The following RIMKLA variants were observed in gnomAD, a reference collection of about 807,000 sequenced individuals.
RIMKLA encodes N-acetylaspartylglutamate synthase A.
RIMKLA carries 14 observed loss-of-function variants against 32.7 expected under a neutral mutation model. The ratio of observed to expected loss-of-function variants is 0.43; its 90% CI spans 0.28 to 0.67. The LOEUF (loss-of-function observed/expected upper bound fraction) is 0.67, where lower values mean the gene tolerates loss of function less well. RIMKLA is among the 30% of genes least tolerant of loss of function. The pLI, the probability that RIMKLA is intolerant of heterozygous loss-of-function variation, is 0.18. For synonymous variants in RIMKLA, 176 were observed against 204.1 expected (o/e 0.86, Z 1.18); for missense variants, 410 against 519.0 (o/e 0.79, Z 2.04).
intron 1 of RIMKLA, 66 bp from the exon 2 acceptor site, chr1:42,399,338 G>A: frequency 8.3e-7 from 1 of 1,210,830 alleles, no homozygotes; most frequent in South Asian, 1.4e-5. Context: ...GAGTCTGTTG[G>A]AACCATTTCT....
At chr1:42,387,477 T>G (rs1458714096) in intron 1 of RIMKLA, among the ~76,000 whole-genome samples, 1 of 152,200 alleles carries the variant, frequency 6.6e-6, no homozygotes, top group Non-Finnish European at 1.5e-5. Context: ...CTAACAGGAA[T>G]ACTGATTCTG....
intron 2 of RIMKLA, among the ~76,000 whole-genome samples, chr1:42,403,323 CAAGG>C (rs906935832): frequency 6.6e-6 from 1 of 152,146 alleles, no homozygotes; most frequent in African/African-American, 2.4e-5. Flanking sequence ...CATCTGACAG[CAAGG>C]AATGTGACAA....
chr1:42,384,605 A>G (rs1438788535), intron 1 of RIMKLA, among the ~76,000 whole-genome samples: 1 of 115,516 alleles, frequency 8.7e-6, no homozygotes, highest in Non-Finnish European at 1.7e-5. Context: ...GTATATATGT[A>G]TGTATATATA....
intron 4 of RIMKLA, chr1:42,412,592 T>A (rs1643207793): frequency 2.0e-6 from 1 of 509,460 alleles, no homozygotes; most frequent in Non-Finnish European, 3.9e-6. Context: ...CCCACTTGTT[T>A]AACCTGCCTG....
intron 2 of RIMKLA, among the ~76,000 whole-genome samples, chr1:42,403,028 C>G (rs573613198): frequency 2.0e-4 from 30 of 152,306 alleles, no homozygotes; most frequent in African/African-American, 6.5e-4. Context: ...TAGTGCCCCA[C>G]TGTACCTACA....
At chr1:42,385,848 T>C (rs868512446) in intron 1 of RIMKLA, among the ~76,000 whole-genome samples, 3,224 of 16,666 alleles carry the variant, frequency 0.19, 559 homozygotes, top group East Asian at 0.35. Flanking sequence ...TTCTTTCTCT[T>C]TCTTTCTTTC....
At chr1:42,381,736 G>T (rs1198157856) in intron 1 of RIMKLA, among the ~76,000 whole-genome samples, 1 of 152,164 alleles carries the variant, frequency 6.6e-6, no homozygotes, top group Admixed American at 6.5e-5. Context: ...GACAGTTCTG[G>T]CCTCACTGAT....
rs1039869366 is a variant in RIMKLA at position 42,423,783 on chromosome 1, T to C, written c.*8809T>C. 6.6e-6 allele frequency among the ~76,000 whole-genome samples: 1 copy of C among 152,208 alleles called. No homozygotes were observed. Among genetic ancestry groups the C allele is most frequent in the African/African-American group, 2.4e-5 (1 of 41,440 alleles). ...TCTATCACGCTGGTATCCGCTGCTT[T>C]TCCTGCAGCTGCTGCTTTCACTAAT... On this transcript the variant is annotated 3_prime_UTR_variant, in exon 5 of 5. Coordinates refer to ENST00000431473, the MANE Select transcript of RIMKLA (RefSeq NM_173642.4).
intron 4 of RIMKLA, among the ~76,000 whole-genome samples, chr1:42,410,739 G>A (rs551113368): frequency 1.3e-5 from 2 of 152,104 alleles, no homozygotes; most frequent in African/African-American, 4.8e-5. Flanking sequence ...TGTACTGAAT[G>A]GAGATACTTC....
chr1:42,390,069 C>T (rs4073236), intron 1 of RIMKLA, among the ~76,000 whole-genome samples: 56,478 of 134,728 alleles, frequency 0.42, 11,881 homozygotes, highest in Middle Eastern at 0.63. Context: ...GACGGAGTAT[C>T]GCCAGTCATC....
chr1:42,414,843 A>G lies in RIMKLA; in HGVS notation c.1045A>G (p.Ser349Gly). Residue 349 changes from serine to glycine, a missense_variant, in exon 5 of 5, where the codon AGT becomes GGT. Coordinates refer to ENST00000431473, the MANE Select transcript of RIMKLA (RefSeq NM_173642.4). ...VYTINSGSTSSESEPELGEIR... is the reference protein window; with the variant it reads ...VYTINSGSTSGESEPELGEIR... ...TACCATCAACAGTGGGTCTACCTCTAGTGAAAGTGAGCCTGAACTGGGAGA... is the reference window on the plus strand; with the variant it reads ...TACCATCAACAGTGGGTCTACCTCTGGTGAAAGTGAGCCTGAACTGGGAGA... The G allele has an allele frequency of 6.2e-7, 1 of 1,614,200 alleles. No individual in the cohort carries two copies. The highest frequency in any genetic ancestry group is 8.5e-7 in the Non-Finnish European group (1 of 1,180,032).
intron 3 of RIMKLA, among the ~76,000 whole-genome samples, chr1:42,405,663 A>C (rs12401926): frequency 0.18 from 26,970 of 152,226 alleles, 2,495 homozygotes; most frequent in East Asian, 0.22. Context: ...AAACAAAAAA[A>C]CAAAAACAAA....
chr1:42,410,298 A>T, intron 4 of RIMKLA, 111 bp downstream of exon 4: 1 of 857,036 alleles, frequency 1.2e-6, no homozygotes. Context: ...GATCTCACAG[A>T]TGAGAATGAG....
intron 2 of RIMKLA, among the ~76,000 whole-genome samples, chr1:42,400,638 G>C (rs1484875351): frequency 6.6e-6 from 1 of 152,212 alleles, no homozygotes; most frequent in African/African-American, 2.4e-5. Context: ...GACTAGAAAT[G>C]TGGGAGGAAA....
chr1:42,418,609 A>G lies in RIMKLA; in HGVS notation c.*3635A>G, dbSNP rs1395100392. Reference sequence around the variant, plus strand: ...TCATGAATATGTATTGATCAGAGGTAGATGTCTTTGAAGCTGTTCTGCATA... The same window carrying G: ...TCATGAATATGTATTGATCAGAGGTGGATGTCTTTGAAGCTGTTCTGCATA... On this transcript the variant is annotated 3_prime_UTR_variant, in exon 5 of 5. Coordinates refer to ENST00000431473, the MANE Select transcript of RIMKLA (RefSeq NM_173642.4). 7.9e-5 allele frequency: 12 copies of G among 152,224 alleles called. No homozygotes were observed. Among genetic ancestry groups the G allele is most frequent in the Non-Finnish European group, 1.5e-4 (10 of 68,024 alleles). The allele number at this position is 152,224 out of a possible 1,614,324, so 9.4% of individuals were successfully genotyped here.
intron 4 of RIMKLA, among the ~76,000 whole-genome samples, chr1:42,411,880 C>T (rs1183132511): frequency 2.6e-5 from 4 of 152,020 alleles, no homozygotes; most frequent in Non-Finnish European, 5.9e-5. Flanking sequence ...CCGTGTTAGC[C>T]GGGATGGTCT....
intron 3 of RIMKLA, 135 bp from the exon 4 acceptor site, chr1:42,409,849 A>C (rs1336172462): frequency 1.4e-6 from 1 of 707,272 alleles, no homozygotes; most frequent in African/African-American, 1.8e-5. Context: ...ACAAAAGTCT[A>C]GCAGAGAAAT....
At chr1:42,383,542 A>T (rs1243799045) in intron 1 of RIMKLA, among the ~76,000 whole-genome samples, 1 of 152,254 alleles carries the variant, frequency 6.6e-6, no homozygotes, top group African/African-American at 2.4e-5. Flanking sequence ...CAGACTATAG[A>T]AAACACTTGG....
At chr1:42,403,373 C>T (rs570882642) in intron 2 of RIMKLA, among the ~76,000 whole-genome samples, 1 of 152,264 alleles carries the variant, frequency 6.6e-6, no homozygotes, top group South Asian at 2.1e-4. Context: ...CTAGAAAGTA[C>T]ACTAGTTTGG....
Sources: allele counts gnomAD v4.1 joint callset (sites outside exome capture counted in the v4.1 genomes callset), GRCh38; gene constraint gnomAD v4.1.1; transcripts MANE v1.5; gene names NCBI Gene and HGNC (gene_info 2026-07-23, HGNC 2026-07-21).